TPRG1: variants seen among roughly 807,000 people sequenced by gnomAD.
TPRG1 encodes tumor protein p63-regulated gene 1 protein.
A neutral mutation model predicts 29.3 loss-of-function variants in TPRG1; 29 were observed. The ratio of observed to expected loss-of-function variants is 0.99; its 90% CI spans 0.74 to 1.35. The LOEUF (loss-of-function observed/expected upper bound fraction) is 1.35, where lower values mean the gene tolerates loss of function less well. TPRG1 is among the 40% of genes most tolerant of loss of function. The probability of loss-of-function intolerance (pLI) is 0.00; values close to 1 mark genes in which losing one functional copy is unlikely to be tolerated. For missense variants in TPRG1, 327 were observed against 335.0 expected (o/e 0.98, Z 0.19); for synonymous variants, 130 against 116.8 (o/e 1.11, Z -0.73).
upstream of TPRG1, among the ~76,000 whole-genome samples, chr3:189,170,625 C>G (rs1373180654): frequency 1.3e-5 from 2 of 152,156 alleles, no homozygotes; most frequent in Non-Finnish European, 2.9e-5. Flanking sequence ...TTTTCATATC[C>G]TTGTCTATGT....
intron 4 of TPRG1, among the ~76,000 whole-genome samples, chr3:189,247,524 T>G (rs935102346): frequency 6.6e-6 from 1 of 151,996 alleles, no homozygotes; most frequent in Non-Finnish European, 1.5e-5. Flanking sequence ...TAAAATACTA[T>G]GGGATTTATT....
At chr3:189,301,770 T>C (rs1720880994) in intron 4 of TPRG1, among the ~76,000 whole-genome samples, 1 of 152,216 alleles carries the variant, frequency 6.6e-6, no homozygotes, top group South Asian at 2.1e-4. Context: ...ACACTATGCC[T>C]CTTCGTTCTC....
chr3:189,180,135 T>C (rs1730020200), intron 1 of TPRG1, among the ~76,000 whole-genome samples: 1 of 152,154 alleles, frequency 6.6e-6, no homozygotes, highest in Non-Finnish European at 1.5e-5. Flanking sequence ...GAGAACAGCA[T>C]GGGAAAGAGT....
At chr3:189,210,656 C>T (rs1735123652) in intron 2 of TPRG1, among the ~76,000 whole-genome samples, 1 of 152,072 alleles carries the variant, frequency 6.6e-6, no homozygotes. Flanking sequence ...GTCCTGAGAC[C>T]ACATTTTGAG....
intron 1 of TPRG1, among the ~76,000 whole-genome samples, chr3:188,997,660 C>T (rs1311618039): frequency 6.6e-6 from 1 of 152,210 alleles, no homozygotes; most frequent in East Asian, 1.9e-4. Context: ...GAGATAGCTA[C>T]CCTTCAGCCT....
intron 1 of TPRG1, among the ~76,000 whole-genome samples, chr3:189,112,291 G>A (rs1720626245): frequency 6.6e-6 from 1 of 152,088 alleles, no homozygotes; most frequent in Non-Finnish European, 1.5e-5. Flanking sequence ...TGGCATGGAG[G>A]TAATGCCAGC....
chr3:189,272,088 A>G (rs879532430), intron 4 of TPRG1, among the ~76,000 whole-genome samples: 3 of 152,238 alleles, frequency 2.0e-5, no homozygotes, highest in Non-Finnish European at 4.4e-5. Context: ...CCCACATGAT[A>G]TAGGAGTACA....
chr3:189,071,962 T>C (rs1716835545), intron 4 of TPRG1, among the ~76,000 whole-genome samples: 1 of 152,284 alleles, frequency 6.6e-6, no homozygotes, highest in African/African-American at 2.4e-5. Flanking sequence ...TCTCTGTCCT[T>C]CTTGGTATAT....
chr3:189,151,585 A>G (rs1347323171), intron 5 of TPRG1, among the ~76,000 whole-genome samples: 3 of 152,126 alleles, frequency 2.0e-5, no homozygotes. Flanking sequence ...AGCCCTTTGC[A>G]GAAAGAGAAA....
At chr3:189,145,376 T>A (rs13063630) in intron 3 of TPRG1, among the ~76,000 whole-genome samples, 5 of 139,784 alleles carry the variant, frequency 3.6e-5, no homozygotes, top group Non-Finnish European at 6.2e-5. Flanking sequence ...AAAAAAAACA[T>A]GCCAAACTAA....
intron 4 of TPRG1, among the ~76,000 whole-genome samples, chr3:189,243,528 C>T (rs191556081): frequency 1.3e-5 from 2 of 151,976 alleles, no homozygotes; most frequent in Admixed American, 1.3e-4. Context: ...TACCTGAATT[C>T]TTCCCCTGAA....
chr3:189,223,334 A>C (rs1278384382), intron 3 of TPRG1, among the ~76,000 whole-genome samples: 2 of 152,228 alleles, frequency 1.3e-5, no homozygotes, highest in East Asian at 3.8e-4. Flanking sequence ...CATTCAGGCT[A>C]GAAAGTGCCT....
Position 189,215,465 on chromosome 3 carries a change from T to A in TPRG1, c.302+82T>A, listed in dbSNP as rs1735929057. ...ACTGTAGCAGAATAGGAGATGGACCTGTGGTAGAATTTCTCTGGTTGCTAC... is the reference window on the plus strand; with the variant it reads ...ACTGTAGCAGAATAGGAGATGGACCAGTGGTAGAATTTCTCTGGTTGCTAC... On this transcript the variant is annotated intron_variant, in intron 3 of 5. Transcript: ENST00000345063. 2.7e-6 allele frequency: 3 copies of A among 1,131,468 alleles called. No homozygotes were observed. The South Asian group carries it at 4.3e-5, about 16-fold the overall frequency. The allele number at this position is 1,131,468 out of a possible 1,614,324, so 70.1% of individuals were successfully genotyped here. A position where few individuals can be genotyped will look rare whatever the true frequency, so the allele number is the denominator to read the frequency against.
At chr3:189,207,220 T>C (rs1734527741) in intron 1 of TPRG1, 156 bp from the exon 2 acceptor site, 2 of 972,882 alleles carry the variant, frequency 2.1e-6, no homozygotes, top group Non-Finnish European at 2.4e-6. Flanking sequence ...GTCTGTGTTA[T>C]GAAGCTGTAT....
At chr3:189,102,426 A>G (rs147389847) in intron 1 of TPRG1, among the ~76,000 whole-genome samples, 3 of 152,266 alleles carry the variant, frequency 2.0e-5, no homozygotes, top group South Asian at 2.1e-4. Context: ...ATGTTCCAAT[A>G]TTGGTGGCTT....
chr3:189,127,547 G>T lies in TPRG1; in HGVS notation c.-590+337G>T, dbSNP rs556245034. Among the ~76,000 whole-genome samples the T allele has an allele frequency of 1.6e-4, 24 of 152,278 alleles. No homozygotes were observed. The South Asian group carries it at 3.7e-3, about 24-fold the overall frequency. On this transcript the variant is annotated intron_variant, in intron 2 of 6. Coordinates refer to the TPRG1 transcript ENST00000412373. ...ACGTTTGCTTTGGAGATACCGTAGG[G>T]CATCTTGACATGAACATGACACAAC...
rs140127500 is a variant in TPRG1, at chr3:189,243,288, G to T, written c.479+4379G>T. Among the ~76,000 whole-genome samples, 193 of 152,238 alleles carry T rather than the reference G, an allele frequency of 1.3e-3. 1 individual carries two copies. The East Asian group carries it at 0.027, about 21-fold the overall frequency. On this transcript the variant is annotated intron_variant, in intron 4 of 5. Coordinates refer to ENST00000345063, the MANE Select transcript of TPRG1 (RefSeq NM_198485.4). ...TTCTAAGTGACCAGATCTCACTATTGTGAGGACAATACAAAGAGGATGATA... is the reference window on the plus strand; with the variant it reads ...TTCTAAGTGACCAGATCTCACTATTTTGAGGACAATACAAAGAGGATGATA...
At chr3:189,126,645 A>G (rs1317433606) in intron 1 of TPRG1, among the ~76,000 whole-genome samples, 4 of 152,204 alleles carry the variant, frequency 2.6e-5, no homozygotes, top group African/African-American at 7.2e-5. Flanking sequence ...TCCTAGCTCT[A>G]TGACCTTGTA....
At chr3:189,198,511 G>A (rs533181020) in intron 1 of TPRG1, among the ~76,000 whole-genome samples, 11 of 152,234 alleles carry the variant, frequency 7.2e-5, no homozygotes, top group East Asian at 1.9e-4. Context: ...TTCATTACTC[G>A]GTCCACAAAC....
Sources: allele counts gnomAD v4.1 joint callset (sites outside exome capture counted in the v4.1 genomes callset), GRCh38; gene constraint gnomAD v4.1.1; transcripts MANE v1.5; gene names NCBI Gene and HGNC (gene_info 2026-07-23, HGNC 2026-07-21).